MED12L: variants seen among roughly 807,000 people sequenced by gnomAD.
MED12L encodes the protein mediator of RNA polymerase II transcription subunit 12-like protein.
MED12L carries 60 observed loss-of-function variants against 281.3 expected under a neutral mutation model. The ratio of observed to expected loss-of-function variants is 0.21; its 90% confidence interval spans 0.17 to 0.26. The LOEUF (loss-of-function observed/expected upper bound fraction) is 0.26. MED12L is among the 10% of genes least tolerant of loss of function. The pLI is 1.00. For synonymous variants in MED12L, 974 were observed against 987.2 expected (o/e 0.99, Z 0.25); for missense variants, 2,146 against 2,680.9 (o/e 0.80, Z 4.41).
chr3:151,364,938 G>C, intron 21 of MED12L, 41 bp from the exon 22 acceptor site: 2 of 1,392,958 alleles, frequency 1.4e-6, no homozygotes, highest in Non-Finnish European at 2.0e-6. Context: ...AGTTATTCTA[G>C]TTTTATTTTT....
chr3:151,373,011 G>A (rs1344183664), intron 27 of MED12L, among the ~76,000 whole-genome samples: 1 of 152,150 alleles, frequency 6.6e-6, no homozygotes, highest in Non-Finnish European at 1.5e-5. Context: ...ATGTGGAGAT[G>A]TGGGTGCATA....
chr3:151,212,574 A>G (rs1727345667), intron 16 of MED12L: 1 of 152,116 alleles, frequency 6.6e-6, no homozygotes. Context: ...AGTAAAGCCT[A>G]CTTAAAAATA....
intron 5 of MED12L, among the ~76,000 whole-genome samples, chr3:151,136,732 C>T (rs1209655051): frequency 1.3e-5 from 2 of 152,178 alleles, no homozygotes; most frequent in African/African-American, 4.8e-5. Context: ...TGAGGGCTTT[C>T]TCTCATGTGA....
intron 16 of MED12L, among the ~76,000 whole-genome samples, chr3:151,286,611 A>C (rs1172866955): frequency 6.6e-6 from 1 of 152,308 alleles, no homozygotes. Flanking sequence ...CTTCTCATTG[A>C]TGAAATGGCT....
intron 16 of MED12L, among the ~76,000 whole-genome samples, chr3:151,254,228 G>A (rs915489457): frequency 1.3e-5 from 2 of 152,204 alleles, no homozygotes; most frequent in East Asian, 1.9e-4. Flanking sequence ...TGACTTCCTT[G>A]TGTGGAAGAT....
intron 16 of MED12L, chr3:151,329,044 C>CA: frequency 7.0e-7 from 1 of 1,436,132 alleles, no homozygotes; most frequent in Non-Finnish European, 9.4e-7. Flanking sequence ...CAAAAGAAAA[C>CA]AAAAAGCCCT....
chr3:151,396,807 C>T (rs1715038205), intron 39 of MED12L, among the ~76,000 whole-genome samples: 4 of 152,146 alleles, frequency 2.6e-5, no homozygotes, highest in Admixed American at 1.3e-4. Context: ...GGGAAAAGCC[C>T]ACTGGGCCAT....
chr3:151,376,212 C>A lies in MED12L; in HGVS notation c.4051C>A (p.Gln1351Lys). 6.3e-7 allele frequency: 1 copy of A among 1,575,400 alleles called. No homozygotes were observed. The highest frequency in any genetic ancestry group is 8.6e-7 in the Non-Finnish European group (1 of 1,163,314). ...LQRQHIKRILQNLEQWTLRQS... is the reference protein window; with the variant it reads ...LQRQHIKRILKNLEQWTLRQS... ...AAGACAGCACATTAAGCGTATTCTT[C>A]AGGTCAGTCGTATACAGATTGTGTT... Residue 1351 changes from glutamine to lysine, a missense_variant and splice_region_variant, in exon 28 of 45, where the codon CAG (glutamine) becomes AAG (lysine). This residue lies in a region of MED12L where 235 missense variants were observed against 260.3 expected (regional missense o/e 0.90). Transcript: ENST00000687756.
At chr3:151,300,278 A>G (rs1322270967) in intron 16 of MED12L, 2 of 635,206 alleles carry the variant, frequency 3.1e-6, no homozygotes, top group Non-Finnish European at 5.7e-6. Context: ...TTTCAGTTAA[A>G]GCAATTGCCT....
intron 16 of MED12L, among the ~76,000 whole-genome samples, chr3:151,298,014 T>C (rs1409824390): frequency 6.6e-6 from 1 of 152,068 alleles, no homozygotes. Context: ...CAAAAAATGG[T>C]TTGTAAGAAG....
chr3:151,122,412 CA>C (rs1276999671), intron 3 of MED12L, among the ~76,000 whole-genome samples: 1 of 152,176 alleles, frequency 6.6e-6, no homozygotes, highest in Non-Finnish European at 1.5e-5. Context: ...TTTCTCCTCT[CA>C]GGGAAAGCAT....
chr3:151,179,837 C>G lies in MED12L; in HGVS notation c.1495-5493C>G, dbSNP rs1345752603. ...AAACAAACCAAAAATTTTCATAGTT[C>G]CATTGCTGAAGACATTCAATCTGAG... On this transcript the variant is annotated intron_variant, in intron 11 of 44. Transcript: ENST00000687756. Among the ~76,000 whole-genome samples the G allele has an allele frequency of 1.6e-4, 25 of 152,172 alleles. 1 individual carries two copies. The highest frequency in any genetic ancestry group is 1.6e-3 in the Admixed American group (25 of 15,272).
At chr3:151,217,454 G>A (rs1452630506) in intron 16 of MED12L, among the ~76,000 whole-genome samples, 1 of 152,200 alleles carries the variant, frequency 6.6e-6, no homozygotes, top group Non-Finnish European at 1.5e-5. Flanking sequence ...CTTTGAGTTG[G>A]ATGGAAGGGA....
At chr3:151,274,773 G>A (rs908957030) in intron 16 of MED12L, among the ~76,000 whole-genome samples, 3 of 152,154 alleles carry the variant, frequency 2.0e-5, no homozygotes, top group Non-Finnish European at 2.9e-5. Context: ...ATTCCTAGGA[G>A]TGATGATGTT....
rs1225480245 is a variant in MED12L at position 151,435,393 on chromosome 3, T to G, written c.*2589T>G. 2.1e-5 allele frequency: 3 copies of G among 146,306 alleles called. No individual in the cohort carries two copies. The East Asian group carries it at 6.7e-4, about 32-fold the overall frequency. The allele number at this position is 146,306 out of a possible 1,614,324, so 9.1% of individuals were successfully genotyped here. On this transcript the variant is annotated 3_prime_UTR_variant, in exon 45 of 45. Coordinates refer to ENST00000687756, the MANE Select transcript of MED12L (RefSeq NM_001393769.1). ...GAAGTAGAGGAGATCAATGCGTAGC[T>G]TTGACCACTTCCAGCCACAGGGTAC...
chr3:151,419,533 A>G (rs1366326269), intron 43 of MED12L, among the ~76,000 whole-genome samples: 1 of 152,162 alleles, frequency 6.6e-6, no homozygotes, highest in Non-Finnish European at 1.5e-5. Context: ...ACTGACTCAA[A>G]TGTTAATCTC....
intron 5 of MED12L, among the ~76,000 whole-genome samples, chr3:151,138,980 TCTACCTACCTAC>T (rs374854260): frequency 7.0e-6 from 1 of 142,894 alleles, no homozygotes; most frequent in Non-Finnish European, 1.5e-5. Context: ...TTGTCTCTTA[TCTACCTACCTAC>T]CTACCTACCT....
chr3:151,336,871 T>G (rs1437000888), intron 16 of MED12L: 1 of 193,224 alleles, frequency 5.2e-6, no homozygotes, highest in Non-Finnish European at 1.1e-5. Flanking sequence ...GTAAATTTTG[T>G]ATTTTATACA....
At chr3:151,429,715 C>T (rs1168485386) in intron 43 of MED12L, among the ~76,000 whole-genome samples, 1 of 152,100 alleles carries the variant, frequency 6.6e-6, no homozygotes, top group Non-Finnish European at 1.5e-5. Context: ...TTTGCATGGC[C>T]CTGGGAATTA....
Sources: gnomAD v4.1 joint callset for allele counts (sites outside exome capture counted in the v4.1 genomes callset) on GRCh38, gnomAD v4.1.1 for gene constraint, gnomAD v4.1.1 regional missense constraint, MANE v1.5 for transcripts, NCBI Gene and HGNC (gene_info 2026-07-23, HGNC 2026-07-21) for gene names.